Variants in FAT3 observed in about 807,000 individuals in gnomAD.
FAT3 encodes the protein protocadherin Fat 3.
A neutral mutation model predicts 310.2 loss-of-function variants in FAT3; 95 were observed. The ratio of observed to expected loss-of-function variants is 0.31; its 90% CI spans 0.26 to 0.36. FAT3 has a LOEUF of 0.36. Ranked by LOEUF, FAT3 falls within the 10% of genes least tolerant of loss-of-function variation. The probability of loss-of-function intolerance (pLI) is 1.00; values close to 1 mark genes in which losing one functional copy is unlikely to be tolerated. For missense variants in FAT3, 5,408 were observed against 5,715.6 expected, an observed-to-expected ratio of 0.95 and a Z score of 1.74; for synonymous variants, 2,314 against 2,192.9, an observed-to-expected ratio of 1.06 and a Z score of -1.54.
chr11:92,753,168 G>A (rs1323541632), intron 4 of FAT3, among the ~76,000 whole-genome samples: 6 of 152,080 alleles, frequency 3.9e-5, no homozygotes, highest in Non-Finnish European at 7.4e-5. Flanking sequence ...CAGTTTTTGA[G>A]CCAAGGCCTT....
chr11:92,263,817 A>C (rs188324665), intron 1 of FAT3, among the ~76,000 whole-genome samples: 1 of 151,564 alleles, frequency 6.6e-6, no homozygotes, highest in African/African-American at 2.4e-5. Flanking sequence ...TTTCATCTTG[A>C]TGTCTTTTGT....
At chr11:92,820,634 A>T (rs1184644437) in intron 13 of FAT3, among the ~76,000 whole-genome samples, 1 of 152,020 alleles carries the variant, frequency 6.6e-6, no homozygotes, top group Non-Finnish European at 1.5e-5. Context: ...CCACCCTCCA[A>T]CCTCCATTTG....
chr11:92,622,453 T>C (rs1941130812), intron 3 of FAT3, among the ~76,000 whole-genome samples: 1 of 152,216 alleles, frequency 6.6e-6, no homozygotes, highest in South Asian at 2.1e-4. Flanking sequence ...CATACAATAC[T>C]GTGTTTGTAC....
At chr11:92,277,108 A>G (rs1591042754) in intron 1 of FAT3, among the ~76,000 whole-genome samples, 1 of 152,262 alleles carries the variant, frequency 6.6e-6, no homozygotes, top group South Asian at 2.1e-4. Context: ...TACCAGTTGT[A>G]CTTATATATT....
chr11:92,249,631 C>G (rs1033191840), intron 1 of FAT3, among the ~76,000 whole-genome samples: 3 of 152,032 alleles, frequency 2.0e-5, no homozygotes, highest in African/African-American at 4.8e-5. Context: ...ATACTCGTAT[C>G]ACAGTAACAA....
chr11:92,616,400 C>T (rs1386822577), intron 3 of FAT3, among the ~76,000 whole-genome samples: 5 of 152,064 alleles, frequency 3.3e-5, no homozygotes, highest in Admixed American at 2.0e-4. Flanking sequence ...CTCCTGAATA[C>T]GGGACACTGA....
intron 1 of FAT3, among the ~76,000 whole-genome samples, chr11:92,244,110 G>T (rs2134259767): frequency 6.6e-6 from 1 of 152,138 alleles, no homozygotes; most frequent in African/African-American, 2.4e-5. Flanking sequence ...CTTTGAAGTA[G>T]CTTAACTCAC....
intron 1 of FAT3, among the ~76,000 whole-genome samples, chr11:92,293,909 AC>A (rs1946777159): frequency 6.6e-6 from 1 of 152,092 alleles, no homozygotes; most frequent in Non-Finnish European, 1.5e-5. Flanking sequence ...GGCTAAAGCC[AC>A]TTGCGTGCAA....
At chr11:92,242,782 G>A (rs1225054005) in intron 1 of FAT3, among the ~76,000 whole-genome samples, 3 of 151,958 alleles carry the variant, frequency 2.0e-5, no homozygotes, top group Non-Finnish European at 4.4e-5. Flanking sequence ...TTCAGTGCTG[G>A]CACATCCTGA....
At chr11:92,837,911 C>T in intron 17 of FAT3, 105 bp downstream of exon 17, 1 of 1,377,424 alleles carries the variant, frequency 7.3e-7, no homozygotes, top group Non-Finnish European at 1.0e-6. Context: ...TTAATGTCAT[C>T]TCATCCCTTC....
chr11:92,404,205 C>T (rs1449510883), intron 2 of FAT3, among the ~76,000 whole-genome samples: 1 of 152,084 alleles, frequency 6.6e-6, no homozygotes, highest in African/African-American at 2.4e-5. Flanking sequence ...CCCTACACTA[C>T]CACAGAGAGT....
Position 92,754,627 on chromosome 11 carries a change from C to CAAAAAAAAAAA in FAT3, c.3670-7221_3670-7211dup, listed in dbSNP as rs71064722. On this transcript the variant is annotated intron_variant, in intron 4 of 27. Transcript: ENST00000525166. ...TGGGCGACAGAGGAAGACTCTGCCT[C>CAAAAAAAAAAA]AAAAAAAAAAAAAAAAAAGGAGATA... 7.7e-3 allele frequency among the ~76,000 whole-genome samples: 251 copies of CAAAAAAAAAAA among 32,666 alleles called. 16 individuals are homozygous for CAAAAAAAAAAA. The highest frequency in any genetic ancestry group is 0.051 in the East Asian group (51 of 1,004). The allele number at this position is 32,666 out of a possible 152,430, so 21.4% of individuals were successfully genotyped here. A position where few individuals can be genotyped will look rare whatever the true frequency, so the allele number is the denominator to read the frequency against.
intron 9 of FAT3, 70 bp downstream of exon 9, chr11:92,793,047 C>A: frequency 1.4e-6 from 2 of 1,480,178 alleles, no homozygotes; most frequent in South Asian, 1.2e-5. Flanking sequence ...TATTTATCAC[C>A]ATGTAAAATT....
intron 13 of FAT3, among the ~76,000 whole-genome samples, chr11:92,828,586 A>T (rs1948158703): frequency 6.6e-6 from 1 of 152,054 alleles, no homozygotes; most frequent in Non-Finnish European, 1.5e-5. Context: ...CAGAAGGAAA[A>T]TGTATGAGGA....
intron 1 of FAT3, among the ~76,000 whole-genome samples, chr11:92,250,269 G>A (rs1372282193): frequency 1.3e-5 from 2 of 151,942 alleles, no homozygotes; most frequent in African/African-American, 4.8e-5. Flanking sequence ...TTAAATTCTT[G>A]TTTGATAGGC....
chr11:92,510,897 G>A (rs1170502400), intron 2 of FAT3, among the ~76,000 whole-genome samples: 1 of 152,182 alleles, frequency 6.6e-6, no homozygotes, highest in African/African-American at 2.4e-5. Context: ...GATGAAAGAT[G>A]CCTAATCAAT....
chr11:92,793,616 G>C (rs890374118), intron 9 of FAT3, among the ~76,000 whole-genome samples: 1 of 152,280 alleles, frequency 6.6e-6, no homozygotes, highest in East Asian at 1.9e-4. Flanking sequence ...AAGACTGATA[G>C]CTAGAAAGCT....
chr11:92,879,933 T>C (rs1034582178), intron 22 of FAT3, among the ~76,000 whole-genome samples: 1 of 152,050 alleles, frequency 6.6e-6, no homozygotes, highest in Non-Finnish European at 1.5e-5. Flanking sequence ...TGTATATCTG[T>C]AATTTAAAAA....
At chr11:92,839,162 T>G (rs900758042) in intron 17 of FAT3, among the ~76,000 whole-genome samples, 2 of 152,188 alleles carry the variant, frequency 1.3e-5, no homozygotes, top group African/African-American at 4.8e-5. Context: ...CTTGACAGAC[T>G]GTTTTCAAAT....
Sources: allele counts gnomAD v4.1 joint callset (sites outside exome capture counted in the v4.1 genomes callset), GRCh38; gene constraint gnomAD v4.1.1; transcripts MANE v1.5; gene names NCBI Gene and HGNC (gene_info 2026-07-23, HGNC 2026-07-21).